Variants in XIRP2 observed in about 807,000 individuals in gnomAD.
XIRP2 encodes the protein xin actin binding repeat containing 2.
In XIRP2, 236 loss-of-function variants were observed where a neutral mutation model predicts 277.0. The ratio of observed to expected loss-of-function variants is 0.85; its 90% confidence interval spans 0.77 to 0.95. The LOEUF is 0.95. Among genes scored for constraint, XIRP2 ranks in the 40% least tolerant of loss-of-function variants. XIRP2 has a pLI of 0.00. For synonymous variants in XIRP2, 1,490 were observed against 1,416.5 expected (o/e 1.05, Z -1.17); for missense variants, 4,640 against 4,157.5 (o/e 1.12, Z -3.19).
At chr2:167,040,054 A>G (rs1688621219) in intron 2 of XIRP2, among the ~76,000 whole-genome samples, 1 of 152,186 alleles carries the variant, frequency 6.6e-6, no homozygotes, top group African/African-American at 2.4e-5. Context: ...ATGTATTGCA[A>G]CAAAATAAAC....
Position 167,202,152 on chromosome 2 carries a change from C to A in XIRP2, c.563-8583C>A, listed in dbSNP as rs1047133670. On this transcript the variant is annotated intron_variant, in intron 3 of 10. Coordinates refer to ENST00000409195, the MANE Select transcript of XIRP2 (RefSeq NM_152381.6). Reference sequence around the variant, plus strand: ...GAGACTTATGCTGTAAAAATATGCACACTCTACAGGCATTTGTAATGATTC... The same window carrying A: ...GAGACTTATGCTGTAAAAATATGCAAACTCTACAGGCATTTGTAATGATTC... Among the ~76,000 whole-genome samples the A allele has an allele frequency of 2.7e-5, 4 of 148,876 alleles. No homozygotes were observed. In the East Asian group the frequency reaches 7.9e-4, roughly 29 times the overall value.
intron 2 of XIRP2, among the ~76,000 whole-genome samples, chr2:167,046,945 AAAAG>A (rs1209256257): frequency 3.3e-5 from 5 of 151,994 alleles, no homozygotes; most frequent in African/African-American, 9.7e-5. Flanking sequence ...AAAGAAAAAA[AAAAG>A]AAATTTCATA....
At chr2:167,108,730 G>A (rs1690671114) in intron 2 of XIRP2, among the ~76,000 whole-genome samples, 1 of 151,838 alleles carries the variant, frequency 6.6e-6, no homozygotes, top group African/African-American at 2.4e-5. Flanking sequence ...ACTTACATTT[G>A]AGTAAATGTA....
intron 3 of XIRP2, among the ~76,000 whole-genome samples, chr2:167,165,074 T>C (rs970566448): frequency 3.3e-5 from 5 of 152,208 alleles, no homozygotes; most frequent in Non-Finnish European, 5.9e-5. Flanking sequence ...TTTTCTAGAA[T>C]GTCATATAGT....
At chr2:166,978,959 A>T (rs542603315) in intron 2 of XIRP2, among the ~76,000 whole-genome samples, 1 of 152,266 alleles carries the variant, frequency 6.6e-6, no homozygotes, top group South Asian at 2.1e-4. Flanking sequence ...AATAAATGAG[A>T]TATCATCTTT....
At chr2:167,133,097 G>A (rs550592121) in intron 2 of XIRP2, among the ~76,000 whole-genome samples, 1 of 152,278 alleles carries the variant, frequency 6.6e-6, no homozygotes, top group East Asian at 1.9e-4. Flanking sequence ...AGGCCACAAA[G>A]CTTATTAGTA....
intron 2 of XIRP2, among the ~76,000 whole-genome samples, chr2:166,926,103 C>T (rs190714009): frequency 2.0e-5 from 3 of 151,744 alleles, no homozygotes; most frequent in African/African-American, 7.3e-5. Flanking sequence ...TTGTATCAAC[C>T]CTGCACCTTT....
In XIRP2 at chr2:167,242,723, C is replaced by T. The variant is rs575388337; in HGVS notation, c.1331C>T (p.Thr444Ile). ...TCAACTCTGGCACAAATTAATGCTA[C>T]TTCTTCAGGAATGACAGAAGAATTT... The part of the protein sequence containing the change: ...TSSTLAQINA[T>I]SSGMTEEFPP... The change falls in exon 9 of 11, where the codon ACT becomes ATT. Residue 444 changes from threonine (T) to isoleucine (I), a missense_variant. Coordinates refer to ENST00000409195, the MANE Select transcript of XIRP2 (RefSeq NM_152381.6). 10 of 1,614,092 alleles carry T rather than the reference C, an allele frequency of 6.2e-6. No individual in the cohort carries two copies. In the Admixed American group the frequency reaches 6.7e-5, roughly 11 times the overall value.
intron 3 of XIRP2, among the ~76,000 whole-genome samples, chr2:167,168,250 C>T (rs1033803304): frequency 9.9e-5 from 15 of 152,078 alleles, no homozygotes; most frequent in Admixed American, 3.9e-4. Flanking sequence ...GTGTTCTCTG[C>T]GCTTTCTGGG....
intron 3 of XIRP2, among the ~76,000 whole-genome samples, chr2:167,198,009 G>C (rs894319789): frequency 6.6e-6 from 1 of 151,982 alleles, no homozygotes; most frequent in Non-Finnish European, 1.5e-5. Context: ...TTCCATGTAT[G>C]GTACATTTAT....
intron 2 of XIRP2, among the ~76,000 whole-genome samples, chr2:166,986,770 G>A (rs969740331): frequency 2.6e-5 from 4 of 152,196 alleles, no homozygotes. Flanking sequence ...GCTGTGAAAT[G>A]CTGTCATAAA....
chr2:166,973,855 A>G (rs1294415911), intron 2 of XIRP2, among the ~76,000 whole-genome samples: 1 of 152,244 alleles, frequency 6.6e-6, no homozygotes, highest in Admixed American at 6.5e-5. Flanking sequence ...AGATGATTCC[A>G]TTAATTTTCC....
chr2:166,977,131 C>T (rs768506598), intron 2 of XIRP2, among the ~76,000 whole-genome samples: 1 of 151,984 alleles, frequency 6.6e-6, no homozygotes, highest in African/African-American at 2.4e-5. Flanking sequence ...CCTCTTGCTA[C>T]TTTCAAGATT....
chr2:167,122,118 A>C (rs1364506233), intron 2 of XIRP2, among the ~76,000 whole-genome samples: 14 of 152,166 alleles, frequency 9.2e-5, no homozygotes, highest in Non-Finnish European at 1.5e-4. Context: ...TAATCTAAAG[A>C]AATTAGGTAA....
At chr2:167,217,247 G>A (rs1427744802) in intron 4 of XIRP2, among the ~76,000 whole-genome samples, 32 of 148,366 alleles carry the variant, frequency 2.2e-4, no homozygotes, top group Admixed American at 5.4e-4. Context: ...ACTAACCTGC[G>A]CAATGTGCAC....
At chr2:166,909,110 G>C (rs1684624563) in intron 2 of XIRP2, among the ~76,000 whole-genome samples, 1 of 152,050 alleles carries the variant, frequency 6.6e-6, no homozygotes, top group African/African-American at 2.4e-5. Context: ...GCCCTTTTTT[G>C]GTTCCATATG....
chr2:167,119,420 A>G (rs1033318141), intron 2 of XIRP2, among the ~76,000 whole-genome samples: 1 of 152,216 alleles, frequency 6.6e-6, no homozygotes, highest in African/African-American at 2.4e-5. Flanking sequence ...AGCAAAGGTA[A>G]AATACTATAG....
chr2:167,079,992 T>A (rs1160814615), intron 2 of XIRP2, among the ~76,000 whole-genome samples: 2 of 151,998 alleles, frequency 1.3e-5, no homozygotes, highest in African/African-American at 4.8e-5. Context: ...TAATTTGAGA[T>A]CTGACTTGTA....
chr2:167,072,225 A>C (rs1467367904), intron 2 of XIRP2, among the ~76,000 whole-genome samples: 1 of 152,196 alleles, frequency 6.6e-6, no homozygotes. Flanking sequence ...TACAGAAAGT[A>C]ACATTTTGCC....
Sources: allele counts gnomAD v4.1 joint callset (sites outside exome capture counted in the v4.1 genomes callset), GRCh38; gene constraint gnomAD v4.1.1; transcripts MANE v1.5; gene names NCBI Gene and HGNC (gene_info 2026-07-23, HGNC 2026-07-21).